ZMAT4: variants seen among roughly 807,000 people sequenced by gnomAD.
ZMAT4 encodes zinc finger matrin-type 4.
ZMAT4 carries 17 observed loss-of-function variants against 28.7 expected under a neutral mutation model. That is an observed-to-expected ratio of 0.59 (90% CI 0.41 to 0.89). The LOEUF (loss-of-function observed/expected upper bound fraction) is 0.89. Ranked by LOEUF, ZMAT4 falls within the 40% of genes least tolerant of loss-of-function variation. The pLI is 0.00. For missense variants in ZMAT4, 240 were observed against 283.8 expected (o/e 0.85, Z 1.11); for synonymous variants, 117 against 109.2 (o/e 1.07, Z -0.44).
At chr8:40,615,453 C>T (rs1331254474) in intron 5 of ZMAT4, among the ~76,000 whole-genome samples, 1 of 152,110 alleles carries the variant, frequency 6.6e-6, no homozygotes, top group African/African-American at 2.4e-5. Context: ...TCCGTATTTC[C>T]TGAATTTGAA....
intron 3 of ZMAT4, among the ~76,000 whole-genome samples, chr8:40,762,209 C>T (rs1812971282): frequency 6.6e-6 from 1 of 152,218 alleles, no homozygotes; most frequent in African/African-American, 2.4e-5. Context: ...TGTCCCCCTC[C>T]AAATTCATAT....
At chr8:40,688,479 C>CAAAAT (rs1809517995) in intron 4 of ZMAT4, among the ~76,000 whole-genome samples, 2 of 151,956 alleles carry the variant, frequency 1.3e-5, no homozygotes, top group South Asian at 2.1e-4. Flanking sequence ...AAAATAAAAA[C>CAAAAT]AAAATAAAAT....
chr8:40,713,921 CAAAAAAAAA>C (rs532317102), intron 3 of ZMAT4, among the ~76,000 whole-genome samples: 2 of 50,030 alleles, frequency 4.0e-5, no homozygotes, highest in African/African-American at 1.3e-4. Context: ...AAAACAAAAC[CAAAAAAAAA>C]AAAAAAAAAG....
chr8:40,548,139 G>A (rs910782032), intron 6 of ZMAT4, among the ~76,000 whole-genome samples: 1 of 152,158 alleles, frequency 6.6e-6, no homozygotes, highest in African/African-American at 2.4e-5. Flanking sequence ...GGAATGCAAA[G>A]AGATAATCAA....
intron 2 of ZMAT4, among the ~76,000 whole-genome samples, chr8:40,820,855 G>C (rs986962870): frequency 6.6e-6 from 1 of 151,060 alleles, no homozygotes; most frequent in Non-Finnish European, 1.5e-5. Context: ...GTATGTTTAT[G>C]TGTGTTTGTG....
intron 4 of ZMAT4, among the ~76,000 whole-genome samples, chr8:40,677,828 T>G (rs964708927): frequency 6.6e-6 from 1 of 152,226 alleles, no homozygotes; most frequent in African/African-American, 2.4e-5. Context: ...GATTTCATAG[T>G]TTGTTTTTAT....
chr8:40,795,040 T>A (rs1814528861), intron 2 of ZMAT4, among the ~76,000 whole-genome samples: 1 of 152,132 alleles, frequency 6.6e-6, no homozygotes, highest in South Asian at 2.1e-4. Context: ...TCAGAAGTCC[T>A]CTCTGCACCT....
intron 2 of ZMAT4, among the ~76,000 whole-genome samples, chr8:40,781,646 C>T (rs1813830552): frequency 6.8e-6 from 1 of 147,934 alleles, no homozygotes; most frequent in Admixed American, 6.7e-5. Flanking sequence ...CCTGTAGTCC[C>T]AGCTACTTGG....
chr8:40,544,007 A>G (rs903973019), intron 6 of ZMAT4, among the ~76,000 whole-genome samples: 3 of 152,160 alleles, frequency 2.0e-5, no homozygotes, highest in East Asian at 1.9e-4. Flanking sequence ...ACTGCAAAAA[A>G]TGTTGAAGCC....
At chr8:40,844,465 G>T (rs1317800809) in intron 1 of ZMAT4, among the ~76,000 whole-genome samples, 4 of 152,274 alleles carry the variant, frequency 2.6e-5, no homozygotes, top group African/African-American at 7.2e-5. Context: ...GCTCCAGATT[G>T]TCAGTCCTTC....
At chr8:40,550,723 C>T (rs965371769) in intron 6 of ZMAT4, among the ~76,000 whole-genome samples, 7 of 152,216 alleles carry the variant, frequency 4.6e-5, no homozygotes, top group Non-Finnish European at 1.0e-4. Context: ...GCCTGCTTCC[C>T]CTTTGCCTTC....
At chr8:40,720,079 C>G (rs1811015219) in intron 3 of ZMAT4, among the ~76,000 whole-genome samples, 2 of 152,176 alleles carry the variant, frequency 1.3e-5, no homozygotes, top group African/African-American at 4.8e-5. Context: ...TTGCCTCTCC[C>G]TAATTGCAAA....
intron 1 of ZMAT4, among the ~76,000 whole-genome samples, chr8:40,875,795 C>G (rs1818023344): frequency 6.6e-6 from 1 of 152,070 alleles, no homozygotes; most frequent in African/African-American, 2.4e-5. Flanking sequence ...TTGGTCCGCC[C>G]TTCTGTGCAT....
chr8:40,733,218 G>A (rs139336880), intron 3 of ZMAT4, among the ~76,000 whole-genome samples: 230 of 152,150 alleles, frequency 1.5e-3, no homozygotes, highest in African/African-American at 5.4e-3. Flanking sequence ...ATTCATCTTT[G>A]CAAGCAGACA....
chr8:40,741,795 G>A (rs1383493494), intron 3 of ZMAT4, among the ~76,000 whole-genome samples: 1 of 152,046 alleles, frequency 6.6e-6, no homozygotes, highest in East Asian at 1.9e-4. Flanking sequence ...AAAAATAATA[G>A]CGAAAAGTTG....
chr8:40,604,629 T>G (rs1805517546), intron 5 of ZMAT4, among the ~76,000 whole-genome samples: 4 of 152,228 alleles, frequency 2.6e-5, no homozygotes, highest in African/African-American at 9.6e-5. Context: ...AGCTGGTATT[T>G]TTTTGAGGAT....
At chr8:40,754,058 G>A (rs1345142272) in intron 3 of ZMAT4, among the ~76,000 whole-genome samples, 1 of 151,958 alleles carries the variant, frequency 6.6e-6, no homozygotes, top group Non-Finnish European at 1.5e-5. Context: ...TGTAGTCTCA[G>A]CTACTCGGGA....
intron 5 of ZMAT4, among the ~76,000 whole-genome samples, chr8:40,615,580 G>A (rs949735156): frequency 5.3e-5 from 8 of 152,054 alleles, no homozygotes; most frequent in African/African-American, 1.9e-4. Context: ...ACATAGATTT[G>A]GTCTTTTCAC....
At chr8:40,893,972 T>G (rs1386408679) in intron 1 of ZMAT4, among the ~76,000 whole-genome samples, 1 of 152,244 alleles carries the variant, frequency 6.6e-6, no homozygotes, top group African/African-American at 2.4e-5. Context: ...CACTATTAAC[T>G]GTTCACACCT....
Sources: gnomAD v4.1 joint callset for allele counts (sites outside exome capture counted in the v4.1 genomes callset) on GRCh38, gnomAD v4.1.1 for gene constraint, MANE v1.5 for transcripts, NCBI Gene and HGNC (gene_info 2026-07-23, HGNC 2026-07-21) for gene names.